The following PNPT1 variants were observed in gnomAD, a reference collection of about 807,000 sequenced individuals.
The protein encoded by PNPT1 is polyribonucleotide nucleotidyltransferase 1, mitochondrial.
In PNPT1, 53 loss-of-function variants were observed where a neutral mutation model predicts 119.5. That is an observed-to-expected ratio of 0.44 (90% CI 0.36 to 0.56). The LOEUF (loss-of-function observed/expected upper bound fraction) is 0.56. Ranked by LOEUF, PNPT1 falls within the 20% of genes least tolerant of loss-of-function variation. The pLI is 0.00. For synonymous variants in PNPT1, 357 were observed against 322.1 expected (o/e 1.11, Z -1.16); for missense variants, 948 against 938.5 (o/e 1.01, Z -0.13).
chr2:55,687,014 A>T (rs1697427539), intron 2 of PNPT1, among the ~76,000 whole-genome samples: 1 of 152,038 alleles, frequency 6.6e-6, no homozygotes, highest in Non-Finnish European at 1.5e-5. Flanking sequence ...GGAGATCAAC[A>T]CCATCCTGGC....
intron 10 of PNPT1, 64 bp from the exon 11 acceptor site, chr2:55,671,440 A>G: frequency 1.0e-6 from 1 of 1,000,680 alleles, no homozygotes; most frequent in East Asian, 2.7e-5. Flanking sequence ...TCTGTTTTCT[A>G]ATTATTATAC....
At chr2:55,692,401 T>G (rs1198345760) in intron 1 of PNPT1, among the ~76,000 whole-genome samples, 1 of 152,158 alleles carries the variant, frequency 6.6e-6, no homozygotes, top group African/African-American at 2.4e-5. Context: ...AAAATGATTT[T>G]TTTGCTTTTT....
At chr2:55,688,665 C>T (rs1697496313) in intron 1 of PNPT1, among the ~76,000 whole-genome samples, 2 of 151,978 alleles carry the variant, frequency 1.3e-5, no homozygotes, top group South Asian at 4.1e-4. Flanking sequence ...GGGGAGGTTA[C>T]AGTGAGCCGA....
At chr2:55,690,051 G>T (rs905905174) in intron 1 of PNPT1, among the ~76,000 whole-genome samples, 5 of 152,066 alleles carry the variant, frequency 3.3e-5, no homozygotes, top group Non-Finnish European at 5.9e-5. Flanking sequence ...CAAACTCCTG[G>T]ACTCAAGCAA....
intron 18 of PNPT1, among the ~76,000 whole-genome samples, chr2:55,653,264 C>T (rs1696269774): frequency 6.6e-6 from 1 of 152,154 alleles, no homozygotes; most frequent in Admixed American, 6.5e-5. Flanking sequence ...TTCTTCTCTT[C>T]CAATAATAAG....
Position 55,686,424 on chromosome 2 carries a change from C to A in PNPT1, c.243G>T (p.Met81Ile). ...AVVQSGDTAV[M>I]VTAVSKTKPS... The stretch of plus-strand genomic sequence containing the variant: ...GTTTTGTTTTACTGACCGCTGTGAC[C>A]ATTACTGCAGTGTCACCTGACTTAA... Residue 81 changes from methionine (M) to isoleucine (I), a missense_variant, in exon 3 of 28, where the codon ATG (methionine) becomes ATT (isoleucine). Coordinates refer to ENST00000447944, the MANE Select transcript of PNPT1 (RefSeq NM_033109.5). 6.2e-7 allele frequency: 1 copy of A among 1,613,832 alleles called. No homozygotes were observed. The highest frequency in any genetic ancestry group is 8.5e-7 in the Non-Finnish European group (1 of 1,179,830).
At chr2:55,691,217 T>C (rs1697589403) in intron 1 of PNPT1, among the ~76,000 whole-genome samples, 1 of 152,238 alleles carries the variant, frequency 6.6e-6, no homozygotes, top group African/African-American at 2.4e-5. Flanking sequence ...GCATATTCTG[T>C]TGAATATCCT....
In PNPT1 at chr2:55,647,239, G is replaced by C. The variant is rs370773639; in HGVS notation, c.1602+108C>G. 8.7e-5 allele frequency: 72 copies of C among 825,902 alleles called. No individual in the cohort carries two copies. The African/African-American group carries it at 8.9e-4, about 10-fold the overall frequency. 51.2% of individuals were successfully genotyped at this position (825,902 alleles called of 1,614,324 possible). A position where few individuals can be genotyped will look rare whatever the true frequency, so the allele number is the denominator to read the frequency against. On this transcript the variant is annotated intron_variant, in intron 19 of 27. Coordinates refer to ENST00000447944, the MANE Select transcript of PNPT1 (RefSeq NM_033109.5). ...CTAGCATTCTTCTAAGCATACGCTA[G>C]GTGCAAAGTACATATAGTCTTCACC...
In PNPT1 at chr2:55,685,031, T is replaced by C; in HGVS notation, c.315A>G (p.Lys105=). The change falls in exon 4 of 28, where the codon AAA becomes AAG. Residue 105 remains lysine, a synonymous_variant. Transcript: ENST00000447944. ...TGGGAATTCTACCTGCTGCAGCAGC[T>C]TTTTGTCTGTAGTCAACCTGAAGCA... ...FMPLVVDYRQ[K]AAAAGRIPTN... is the part of the protein sequence containing the mutation. The C allele has an allele frequency of 6.3e-7, 1 of 1,591,134 alleles. No individual in the cohort carries two copies. Among genetic ancestry groups the C allele is most frequent in the Non-Finnish European group, 8.6e-7 (1 of 1,164,428 alleles).
chr2:55,651,334 G>C (rs1182699520), intron 18 of PNPT1, among the ~76,000 whole-genome samples: 15 of 152,098 alleles, frequency 9.9e-5, no homozygotes, highest in East Asian at 9.7e-4. Flanking sequence ...GAATAGAAAG[G>C]GGGGAAAGGT....
At chr2:55,665,269 A>G (rs1037864169) in intron 13 of PNPT1, among the ~76,000 whole-genome samples, 1 of 152,234 alleles carries the variant, frequency 6.6e-6, no homozygotes, top group Admixed American at 6.5e-5. Flanking sequence ...GTGTAGGAAT[A>G]AATTCAAAGA....
At chr2:55,661,884 T>C (rs1696587348) in intron 14 of PNPT1, 72 bp downstream of exon 14, 2 of 1,308,360 alleles carry the variant, frequency 1.5e-6, no homozygotes. Context: ...TAATTAATAA[T>C]ATACCACATA....
In PNPT1 at chr2:55,674,906, C is replaced by T. The variant is rs111638738; in HGVS notation, c.680-1827G>A. 2.2e-3 allele frequency among the ~76,000 whole-genome samples: 335 copies of T among 152,166 alleles called. 5 individuals carry two copies. The highest frequency in any genetic ancestry group is 7.1e-3 in the African/African-American group (295 of 41,490). On this transcript the variant is annotated intron_variant, in intron 8 of 27. Transcript: ENST00000447944. ...TCCTCTCACTTTGACAGGATTAATC[C>T]GGAGATTTTTAAAAATTCATTTAAT...
Position 55,634,838 on chromosome 2 carries a change from G to A in PNPT1, c.*1399C>T, listed in dbSNP as rs1695617484. ...CCCAAAGTGTTGGGATTACAGGTGT[G>A]AGCCACCATGCCTGGCCAGATATAC... On this transcript the variant is annotated 3_prime_UTR_variant, in exon 28 of 28. Coordinates refer to ENST00000447944, the MANE Select transcript of PNPT1 (RefSeq NM_033109.5). 6.6e-6 allele frequency: 1 copy of A among 152,084 alleles called. No homozygotes were observed. The highest frequency in any genetic ancestry group is 2.4e-5 in the African/African-American group (1 of 41,388). The allele number at this position is 152,084 out of a possible 1,614,324, so 9.4% of individuals were successfully genotyped here.
chr2:55,636,929 A>G (rs13428382), intron 27 of PNPT1, among the ~76,000 whole-genome samples: 21,740 of 152,234 alleles, frequency 0.14, 3,107 homozygotes, highest in African/African-American at 0.37. Context: ...ATACAGAGAT[A>G]CTATATCTTA....
chr2:55,644,712 G>T lies in PNPT1; in HGVS notation c.1831C>A (p.Gln611Lys). 1 of 1,608,566 alleles carries T rather than the reference G, an allele frequency of 6.2e-7. No individual in the cohort carries two copies. The highest frequency in any genetic ancestry group is 8.5e-7 in the Non-Finnish European group (1 of 1,175,870). Residue 611 changes from glutamine (Q) to lysine (K), a missense_variant, in exon 23 of 28, where the codon CAG (glutamine) becomes AAG (lysine). Physicochemically the swap from Gln to Lys is moderately conservative, Grantham distance 53. Transcript: ENST00000447944. ...TTTGCTCGTTTTGATAATGGAACCTGAACAGTTTCTGGAACGTAATACAGA... is the reference window on the plus strand; with the variant it reads ...TTTGCTCGTTTTGATAATGGAACCTTAACAGTTTCTGGAACGTAATACAGA... ...KENGPVVETV[Q>K]VPLSKRAKFV...
intron 25 of PNPT1, 41 bp downstream of exon 25, chr2:55,643,117 A>G (rs758908715): frequency 6.2e-7 from 1 of 1,606,960 alleles, no homozygotes; most frequent in African/African-American, 1.3e-5. Context: ...CTGTCTCTAA[A>G]GAAAGGAAAA....
At chr2:55,647,992 A>G (rs1462730435) in intron 18 of PNPT1, among the ~76,000 whole-genome samples, 1 of 152,184 alleles carries the variant, frequency 6.6e-6, no homozygotes, top group Non-Finnish European at 1.5e-5. Flanking sequence ...TTCTCTAACA[A>G]TAGCAAACTT....
chr2:55,640,825 C>T (rs1382558786), intron 25 of PNPT1, 120 bp from the exon 26 acceptor site: 8 of 642,510 alleles, frequency 1.2e-5, no homozygotes, highest in South Asian at 4.2e-5. Flanking sequence ...AATTCTAGCA[C>T]GTTTTTAGAA....
Sources: gnomAD v4.1 joint callset for allele counts (sites outside exome capture counted in the v4.1 genomes callset) on GRCh38, gnomAD v4.1.1 for gene constraint, MANE v1.5 for transcripts, NCBI Gene and HGNC (gene_info 2026-07-23, HGNC 2026-07-21) for gene names.